DAB1: variants seen among roughly 807,000 people sequenced by gnomAD.
The protein encoded by DAB1 is DAB adaptor protein 1.
A neutral mutation model predicts 64.6 loss-of-function variants in DAB1; 15 were observed. The ratio of observed to expected loss-of-function variants is 0.23; its 90% confidence interval spans 0.16 to 0.36. The LOEUF (loss-of-function observed/expected upper bound fraction) is 0.36, where lower values mean the gene tolerates loss of function less well. Ranked by LOEUF, DAB1 falls within the 10% of genes least tolerant of loss-of-function variation. The pLI, the probability that DAB1 is intolerant of heterozygous loss-of-function variation, is 1.00. For missense variants in DAB1, 596 were observed against 706.7 expected (o/e 0.84, Z 1.78); for synonymous variants, 235 against 251.9 (o/e 0.93, Z 0.64).
At chr1:58,134,489 A>C (rs2100702222) in intron 5 of DAB1, among the ~76,000 whole-genome samples, 1 of 152,198 alleles carries the variant, frequency 6.6e-6, no homozygotes, top group South Asian at 2.1e-4. Flanking sequence ...TGCTATAAAG[A>C]CAAAACTGAG....
intron 6 of DAB1, among the ~76,000 whole-genome samples, chr1:57,724,087 C>T (rs961899097): frequency 3.9e-5 from 6 of 152,074 alleles, no homozygotes; most frequent in Non-Finnish European, 7.4e-5. Flanking sequence ...GAACTTCCTG[C>T]TGATGGATGG....
At chr1:57,560,619 G>A (rs1856961) in intron 7 of DAB1, among the ~76,000 whole-genome samples, 144,606 of 152,280 alleles carry the variant, frequency 0.95, 69,082 homozygotes, top group East Asian at 1. Context: ...TAGTGACCCC[G>A]AAGGCTGCCA....
intron 12 of DAB1, 28 bp from the exon 13 acceptor site, chr1:57,011,300 A>G (rs1180834947): frequency 1.2e-6 from 2 of 1,606,480 alleles, no homozygotes; most frequent in African/African-American, 1.3e-5. Context: ...AAAAAGAGAC[A>G]TCTTAAGTGC....
At position 57,282,939 on chromosome 1, in the gene DAB1, T is replaced by A. The variant is rs375099285; in HGVS notation, c.67+8025A>T. On this transcript the variant is annotated intron_variant, in intron 2 of 14. Transcript: ENST00000371236. The stretch of plus-strand genomic sequence containing the variant: ...ATGCTCCCATCTCCCCAGAAGAGTA[T>A]AGCCCCTATAATTTTTTTCACATTC... 6.0e-4 allele frequency among the ~76,000 whole-genome samples: 91 copies of A among 152,260 alleles called. 1 individual carries two copies. In the South Asian group the frequency reaches 0.016, roughly 27 times the overall value.
At chr1:58,458,600 T>G (rs1427081625) in intron 3 of DAB1, among the ~76,000 whole-genome samples, 10 of 152,196 alleles carry the variant, frequency 6.6e-5, no homozygotes, top group Non-Finnish European at 1.5e-4. Context: ...GCTTAGGAGT[T>G]CGAGACCAGC....
chr1:57,709,645 G>A (rs1215551931), intron 6 of DAB1, among the ~76,000 whole-genome samples: 4 of 152,160 alleles, frequency 2.6e-5, no homozygotes, highest in African/African-American at 4.8e-5. Flanking sequence ...ATGGGTTGCT[G>A]GTTCTGCGGC....
At chr1:58,300,594 AAGAAAGAAAGAAAGAAAGAGAGAG>A (rs1274213657) in intron 4 of DAB1, among the ~76,000 whole-genome samples, 22 of 33,638 alleles carry the variant, frequency 6.5e-4, no homozygotes, top group African/African-American at 1.0e-3. Flanking sequence ...GAAAGAAAGA[AAGAAAGAAAGAAAGAAAGAGAGAG>A]AGAGAGAGAG....
chr1:57,721,947 G>T (rs1260769704), intron 6 of DAB1, among the ~76,000 whole-genome samples: 2 of 152,122 alleles, frequency 1.3e-5, no homozygotes, highest in East Asian at 1.9e-4. Flanking sequence ...TACATAACTT[G>T]TCCAAGGCAG....
rs544785319 is a variant in DAB1, at chr1:57,772,377, A to G, written n.551+111622T>C. Among the ~76,000 whole-genome samples the G allele has an allele frequency of 5.9e-5, 9 of 152,264 alleles. No homozygotes were observed. The South Asian group carries it at 1.9e-3, about 32-fold the overall frequency. On this transcript the variant is annotated intron_variant and non_coding_transcript_variant, in intron 6 of 20. Coordinates refer to the DAB1 transcript ENST00000485760. ...TTTATTATTGAAAAACAAATTATCC[A>G]GTTTCAGATATTCTGTTATAGCAGC...
At chr1:57,687,615 A>AAAAAAAAAAAAAAAAAAC (rs1646716108) in intron 6 of DAB1, among the ~76,000 whole-genome samples, 1 of 149,182 alleles carries the variant, frequency 6.7e-6, no homozygotes, top group African/African-American at 2.5e-5. Flanking sequence ...AAAAAAAAAA[A>AAAAAAAAAAAAAAAAAAC]AAAAGAAAAA....
intron 3 of DAB1, among the ~76,000 whole-genome samples, chr1:58,369,719 T>C (rs995792): frequency 0.68 from 103,057 of 152,072 alleles, 35,010 homozygotes; most frequent in East Asian, 0.8. Context: ...AATTAAGTTA[T>C]TTACCTAAAG....
At chr1:58,355,067 G>C (rs1005950377) in intron 3 of DAB1, among the ~76,000 whole-genome samples, 3 of 152,122 alleles carry the variant, frequency 2.0e-5, no homozygotes, top group African/African-American at 7.2e-5. Flanking sequence ...TCTCCTGTGT[G>C]CTGTTCTGGG....
intron 3 of DAB1, among the ~76,000 whole-genome samples, chr1:58,459,740 A>G (rs1645225235): frequency 6.6e-6 from 1 of 152,206 alleles, no homozygotes; most frequent in South Asian, 2.1e-4. Context: ...CACTTTGGGA[A>G]GCCAAGGTGG....
At chr1:57,614,510 T>A (rs1389433367) in intron 7 of DAB1, among the ~76,000 whole-genome samples, 1 of 152,202 alleles carries the variant, frequency 6.6e-6, no homozygotes, top group African/African-American at 2.4e-5. Flanking sequence ...ATGAAAAAAA[T>A]AAGTTTATTC....
chr1:57,546,132 G>C (rs1017192836), intron 7 of DAB1, among the ~76,000 whole-genome samples: 2 of 151,628 alleles, frequency 1.3e-5, no homozygotes, highest in Admixed American at 1.3e-4. Context: ...GAAGTTGGGG[G>C]ACAGATAATG....
At chr1:58,429,453 G>A (rs909438912) in intron 3 of DAB1, among the ~76,000 whole-genome samples, 1 of 152,204 alleles carries the variant, frequency 6.6e-6, no homozygotes, top group Non-Finnish European at 1.5e-5. Flanking sequence ...TCAGTGCAGT[G>A]GGAGGACGAT....
intron 6 of DAB1, among the ~76,000 whole-genome samples, chr1:57,733,340 T>C (rs1406862409): frequency 6.6e-6 from 1 of 151,918 alleles, no homozygotes; most frequent in African/African-American, 2.4e-5. Flanking sequence ...CTTGCCTTCC[T>C]AGAATGTAAG....
At chr1:57,866,170 A>G (rs1419955472) in intron 1 of DAB1, 1 of 152,220 alleles carries the variant, frequency 6.6e-6, no homozygotes, top group Non-Finnish European at 1.5e-5. Flanking sequence ...GATGATGAAG[A>G]CTAAATGCAA....
intron 5 of DAB1, among the ~76,000 whole-genome samples, chr1:57,923,341 C>T (rs1238616781): frequency 1.3e-5 from 2 of 152,140 alleles, no homozygotes; most frequent in South Asian, 2.1e-4. Flanking sequence ...TGTGATCAAA[C>T]GCCCAGGAGC....
Sources: allele counts gnomAD v4.1 joint callset (sites outside exome capture counted in the v4.1 genomes callset), GRCh38; gene constraint gnomAD v4.1.1; transcripts MANE v1.5; gene names NCBI Gene and HGNC (gene_info 2026-07-23, HGNC 2026-07-21).